The following TMEM132D variants were observed in gnomAD, a reference collection of about 807,000 sequenced individuals.
TMEM132D encodes mature OL transmembrane protein.
A neutral mutation model predicts 62.3 loss-of-function variants in TMEM132D; 21 were observed. That is an observed-to-expected ratio of 0.34 (90% CI 0.24 to 0.49). The LOEUF (loss-of-function observed/expected upper bound fraction) is 0.49, where lower values mean the gene tolerates loss of function less well. TMEM132D is among the 20% of genes least tolerant of loss of function. TMEM132D has a pLI of 0.99. For missense variants in TMEM132D, 1,346 were observed against 1,402.8 expected (o/e 0.96, Z 0.65); for synonymous variants, 621 against 575.6 (o/e 1.08, Z -1.13).
chr12:129,185,840 G>A (rs999115847), intron 5 of TMEM132D, among the ~76,000 whole-genome samples: 1 of 148,328 alleles, frequency 6.7e-6, no homozygotes, highest in African/African-American at 2.5e-5. Flanking sequence ...CTCCTTACTA[G>A]TGAGGTTAAG....
intron 1 of TMEM132D, among the ~76,000 whole-genome samples, chr12:129,831,418 A>G (rs1044689559): frequency 1.3e-5 from 2 of 152,154 alleles, no homozygotes; most frequent in African/African-American, 4.8e-5. Flanking sequence ...ATATAGAGAG[A>G]CTGTGGTCTT....
chr12:129,398,827 TATG>T (rs1410132325), intron 3 of TMEM132D, among the ~76,000 whole-genome samples: 1 of 138,602 alleles, frequency 7.2e-6, no homozygotes, highest in Non-Finnish European at 1.6e-5. Context: ...CATATCTATT[TATG>T]TATTCATCCA....
chr12:129,238,235 GTT>G (rs1296743313), intron 4 of TMEM132D, among the ~76,000 whole-genome samples: 2 of 152,122 alleles, frequency 1.3e-5, no homozygotes, highest in East Asian at 3.9e-4. Flanking sequence ...GCAATAGAAG[GTT>G]TTTAAGACTA....
intron 2 of TMEM132D, among the ~76,000 whole-genome samples, chr12:129,563,354 A>T (rs931655419): frequency 1.3e-5 from 2 of 152,116 alleles, no homozygotes; most frequent in Non-Finnish European, 2.9e-5. Flanking sequence ...TGTATTTTTG[A>T]TCCTCAGTGC....
At chr12:129,567,436 T>C (rs184428085) in intron 2 of TMEM132D, among the ~76,000 whole-genome samples, 1 of 152,338 alleles carries the variant, frequency 6.6e-6, no homozygotes, top group African/African-American at 2.4e-5. Flanking sequence ...AGTTTTAGTG[T>C]AGTATTAAAA....
intron 3 of TMEM132D, among the ~76,000 whole-genome samples, chr12:129,441,138 A>C (rs1233577321): frequency 6.6e-6 from 1 of 152,214 alleles, no homozygotes; most frequent in Non-Finnish European, 1.5e-5. Context: ...AAGATTTGCA[A>C]GATTGCATGC....
At position 129,152,182 on chromosome 12, in the gene TMEM132D, G is replaced by C. The variant is rs141075261; in HGVS notation, c.1443+57338C>G. ...CAGCATGATTATGGCCTTCAATGTA[G>C]TTTTAAATCAACTCACCTAAAACAA... On this transcript the variant is annotated intron_variant, in intron 5 of 8. Transcript: ENST00000422113. Among the ~76,000 whole-genome samples the C allele has an allele frequency of 4.6e-3, 693 of 152,266 alleles. 5 individuals carry two copies. The highest frequency in any genetic ancestry group is 0.015 in the African/African-American group (622 of 41,540).
intron 1 of TMEM132D, among the ~76,000 whole-genome samples, chr12:129,756,686 G>A (rs1247938309): frequency 1.3e-5 from 2 of 152,172 alleles, no homozygotes; most frequent in Non-Finnish European, 2.9e-5. Flanking sequence ...AATTATGTGG[G>A]ATGTATATTT....
Position 129,595,529 on chromosome 12 carries a change from C to T in TMEM132D, c.969-64324G>A, listed in dbSNP as rs545834894. 1.4e-4 allele frequency among the ~76,000 whole-genome samples: 22 copies of T among 152,230 alleles called. No individual in the cohort carries two copies. The East Asian group carries it at 3.3e-3, about 23-fold the overall frequency. ...TTTCCAATTCCTCCCAAAAAAGGGG[C>T]GGGGGATATTTCTCCATCCCTTGTC... On this transcript the variant is annotated intron_variant, in intron 2 of 8. Coordinates refer to ENST00000422113, the MANE Select transcript of TMEM132D (RefSeq NM_133448.3).
intron 4 of TMEM132D, among the ~76,000 whole-genome samples, chr12:129,219,509 G>T (rs527261533): frequency 6.6e-6 from 1 of 152,312 alleles, no homozygotes; most frequent in South Asian, 2.1e-4. Context: ...GGGCGTATAA[G>T]GGCACCGGAG....
In TMEM132D at chr12:129,762,591, C is replaced by CA. The variant is rs146401274; in HGVS notation, c.80-61894dup. On this transcript the variant is annotated intron_variant, in intron 1 of 8. Coordinates refer to ENST00000422113, the MANE Select transcript of TMEM132D (RefSeq NM_133448.3). Reference sequence around the variant, plus strand: ...TGCCTTCATAAGCACGGAGGGGAAACAGACAGTGCTAATGGCTGGAGATGT... The same window carrying CA: ...TGCCTTCATAAGCACGGAGGGGAAACAAGACAGTGCTAATGGCTGGAGATGT... Among the ~76,000 whole-genome samples the CA allele has an allele frequency of 3.8e-3, 583 of 152,160 alleles. 4 individuals carry two copies. Among genetic ancestry groups the CA allele is most frequent in the African/African-American group, 0.013 (557 of 41,502 alleles).
At chr12:129,443,869 A>G (rs900884174) in intron 3 of TMEM132D, among the ~76,000 whole-genome samples, 2 of 152,168 alleles carry the variant, frequency 1.3e-5, no homozygotes, top group African/African-American at 4.8e-5. Flanking sequence ...CGTGGCCCAA[A>G]TGACTGCGGT....
intron 1 of TMEM132D, among the ~76,000 whole-genome samples, chr12:129,747,758 GACAC>G (rs572442180): frequency 2.7e-5 from 4 of 145,600 alleles, no homozygotes; most frequent in Non-Finnish European, 4.5e-5. Flanking sequence ...CACACATCCA[GACAC>G]ACACACACTC....
chr12:129,842,480 T>C (rs957686602), intron 1 of TMEM132D, among the ~76,000 whole-genome samples: 2 of 152,062 alleles, frequency 1.3e-5, no homozygotes, highest in Non-Finnish European at 2.9e-5. Flanking sequence ...TGTTTTATAT[T>C]TGTTTTGAGA....
intron 1 of TMEM132D, among the ~76,000 whole-genome samples, chr12:129,880,818 A>G (rs1298662181): frequency 6.6e-6 from 1 of 151,294 alleles, no homozygotes; most frequent in Non-Finnish European, 1.5e-5. Context: ...GAAGGCCACA[A>G]AGAACAGATA....
chr12:129,669,270 A>G (rs1321265436), intron 2 of TMEM132D, among the ~76,000 whole-genome samples: 1 of 152,216 alleles, frequency 6.6e-6, no homozygotes, highest in African/African-American at 2.4e-5. Context: ...CTGGAGAGAG[A>G]AAAATTATGC....
At chr12:129,892,165 A>T (rs889926495) in intron 1 of TMEM132D, among the ~76,000 whole-genome samples, 1 of 152,202 alleles carries the variant, frequency 6.6e-6, no homozygotes, top group Non-Finnish European at 1.5e-5. Context: ...GTTAAAGCAA[A>T]GCTAAACAGG....
chr12:129,478,297 T>C (rs1205710424), intron 3 of TMEM132D, among the ~76,000 whole-genome samples: 1 of 152,222 alleles, frequency 6.6e-6, no homozygotes, highest in African/African-American at 2.4e-5. Context: ...ATAAAAACTC[T>C]ACACTTAGGC....
At position 129,073,973 on chromosome 12, in the gene TMEM132D, T is replaced by G. The variant is rs1319024177; in HGVS notation, c.3202A>C (p.Ser1068Arg). 3 of 1,613,532 alleles carry G rather than the reference T, an allele frequency of 1.9e-6. No homozygotes were observed. The highest frequency in any genetic ancestry group is 1.7e-6 in the Non-Finnish European group (2 of 1,179,732). The change falls in exon 9 of 9, where the codon AGT becomes CGT. Residue 1068 changes from serine (S) to arginine (R), a missense_variant. Transcript: ENST00000422113. Reference sequence around the variant, plus strand: ...ACCCACTTAATGTCATCCTCGCTACTCATCACGATGGAGTTCCTGGTGGGG... The same window carrying G: ...ACCCACTTAATGTCATCCTCGCTACGCATCACGATGGAGTTCCTGGTGGGG... Reference protein sequence around the residue: ...EYPTRNSIVMSSEDDIKWVCQ... With the variant: ...EYPTRNSIVMRSEDDIKWVCQ...
Sources: gnomAD v4.1 joint callset for allele counts (sites outside exome capture counted in the v4.1 genomes callset) on GRCh38, gnomAD v4.1.1 for gene constraint, MANE v1.5 for transcripts, NCBI Gene and HGNC (gene_info 2026-07-23, HGNC 2026-07-21) for gene names.